NRXN1: variants seen among roughly 807,000 people sequenced by gnomAD.
NRXN1 encodes neurexin 1.
NRXN1 carries 39 observed loss-of-function variants against 150.9 expected under a neutral mutation model. That is an observed-to-expected ratio of 0.26 (90% CI 0.20 to 0.34). NRXN1 has a LOEUF of 0.34. Ranked by LOEUF, NRXN1 falls within the 10% of genes least tolerant of loss-of-function variation. The probability of loss-of-function intolerance (pLI) is 1.00; values close to 1 mark genes in which losing one functional copy is unlikely to be tolerated. For synonymous variants in NRXN1, 924 were observed against 757.0 expected (o/e 1.22, Z -3.62); for missense variants, 1,815 against 1,949.9 (o/e 0.93, Z 1.30).
At chr2:50,956,102 T>C (rs1052666046) in intron 2 of NRXN1, among the ~76,000 whole-genome samples, 1 of 152,068 alleles carries the variant, frequency 6.6e-6, no homozygotes, top group Admixed American at 6.5e-5. Context: ...GTCTCCCTTA[T>C]CCACATTTTC....
intron 8 of NRXN1, among the ~76,000 whole-genome samples, chr2:50,580,560 A>C (rs974569094): frequency 5.9e-5 from 9 of 152,212 alleles, no homozygotes; most frequent in Admixed American, 5.2e-4. Context: ...TGACTCACCT[A>C]GTTCTCCAAA....
At chr2:49,923,206 G>C (rs1267236937) in intron 22 of NRXN1, among the ~76,000 whole-genome samples, 4 of 152,216 alleles carry the variant, frequency 2.6e-5, no homozygotes, top group Admixed American at 2.6e-4. Flanking sequence ...GTAGATATGA[G>C]GAGAAGGGGC....
intron 18 of NRXN1, among the ~76,000 whole-genome samples, chr2:50,094,408 G>A (rs1699953964): frequency 6.6e-6 from 1 of 152,140 alleles, no homozygotes; most frequent in Non-Finnish European, 1.5e-5. Flanking sequence ...CATACTGCAG[G>A]GTGGAAGTCT....
chr2:50,557,088 T>C lies in NRXN1; in HGVS notation c.1321-4063A>G, dbSNP rs367755613. ...TAAAGAGAGTGTTCACTGCATCTTCTCGTACACAGACATGCCTCGAGGATT... is the reference window on the plus strand; with the variant it reads ...TAAAGAGAGTGTTCACTGCATCTTCCCGTACACAGACATGCCTCGAGGATT... On this transcript the variant is annotated intron_variant, in intron 8 of 22. Transcript: ENST00000401669. 6.2e-4 allele frequency among the ~76,000 whole-genome samples: 95 copies of C among 152,302 alleles called. 2 individuals carry two copies. The highest frequency in any genetic ancestry group is 2.2e-3 in the African/African-American group (93 of 41,584).
At chr2:50,480,805 A>C (rs2090403551) in intron 15 of NRXN1, among the ~76,000 whole-genome samples, 1 of 152,078 alleles carries the variant, frequency 6.6e-6, no homozygotes, top group Non-Finnish European at 1.5e-5. Flanking sequence ...AGTTTCACAA[A>C]AATCACCGAG....
chr2:50,728,406 ACAAAGTATT>A (rs1395868734), intron 5 of NRXN1, among the ~76,000 whole-genome samples: 1 of 152,194 alleles, frequency 6.6e-6, no homozygotes, highest in African/African-American at 2.4e-5. Context: ...TGAATTGCAC[ACAAAGTATT>A]CAATTGCTTT....
chr2:50,906,622 T>C (rs939873115), intron 5 of NRXN1, among the ~76,000 whole-genome samples: 4 of 152,240 alleles, frequency 2.6e-5, no homozygotes, highest in Non-Finnish European at 2.9e-5. Flanking sequence ...TCTGATCCTG[T>C]TCCTTAAGTC....
intron 17 of NRXN1, among the ~76,000 whole-genome samples, chr2:50,333,918 G>A (rs1475501672): frequency 1.3e-5 from 2 of 152,036 alleles, no homozygotes; most frequent in African/African-American, 2.4e-5. Flanking sequence ...TGTAAAAACA[G>A]AAAGTCAACT....
chr2:50,196,016 T>A (rs1486475869), intron 18 of NRXN1, among the ~76,000 whole-genome samples: 1 of 152,026 alleles, frequency 6.6e-6, no homozygotes. Flanking sequence ...ATGTGCAGGT[T>A]TGTTACATAT....
At chr2:50,658,245 A>G (rs2104616323) in intron 5 of NRXN1, among the ~76,000 whole-genome samples, 2 of 152,074 alleles carry the variant, frequency 1.3e-5, no homozygotes, top group East Asian at 3.9e-4. Context: ...ATACACCCTC[A>G]AAACAACGCT....
chr2:50,693,952 C>T (rs1192871759), intron 5 of NRXN1, among the ~76,000 whole-genome samples: 1 of 151,796 alleles, frequency 6.6e-6, no homozygotes, highest in Non-Finnish European at 1.5e-5. Flanking sequence ...CTACCATGGT[C>T]GGCTAATTGT....
rs1236177183 is a variant in NRXN1, at chr2:50,010,652, CCT to C, written c.4128+42617_4128+42618del. ...CAGAGAATGAGGTGTTCTAAAATCC[CCT>C]CTCTCTGGTCCTGCTGCAACTTGTT... On this transcript the variant is annotated intron_variant, in intron 21 of 22. Transcript: ENST00000401669. Among the ~76,000 whole-genome samples the C allele has an allele frequency of 1.1e-4, 16 of 152,176 alleles. No homozygotes were observed. The South Asian group carries it at 3.1e-3, about 30-fold the overall frequency.
At chr2:50,287,011 T>C (rs2072272087) in intron 17 of NRXN1, among the ~76,000 whole-genome samples, 1 of 152,114 alleles carries the variant, frequency 6.6e-6, no homozygotes, top group Admixed American at 6.6e-5. Flanking sequence ...TTATATTTTG[T>C]TGAAGGTGCT....
chr2:50,138,873 A>T (rs1706817114), intron 18 of NRXN1, among the ~76,000 whole-genome samples: 1 of 152,230 alleles, frequency 6.6e-6, no homozygotes, highest in Non-Finnish European at 1.5e-5. Context: ...TGTGTTTAAT[A>T]ACACAGAATG....
chr2:50,678,434 A>G (rs1398286646), intron 5 of NRXN1, among the ~76,000 whole-genome samples: 1 of 152,192 alleles, frequency 6.6e-6, no homozygotes, highest in African/African-American at 2.4e-5. Context: ...TATAATGGAA[A>G]GTACAAAAGT....
At chr2:50,488,533 C>A (rs1291483909) in intron 15 of NRXN1, among the ~76,000 whole-genome samples, 1 of 152,154 alleles carries the variant, frequency 6.6e-6, no homozygotes, top group South Asian at 2.1e-4. Context: ...CCAAGTGAGG[C>A]TGCAACACTG....
At chr2:50,881,969 G>A (rs1331100586) in intron 5 of NRXN1, among the ~76,000 whole-genome samples, 2 of 151,552 alleles carry the variant, frequency 1.3e-5, no homozygotes, top group South Asian at 2.1e-4. Flanking sequence ...GGGAGGGAGC[G>A]AAAATTCTGT....
intron 18 of NRXN1, among the ~76,000 whole-genome samples, chr2:50,167,716 T>G (rs1443777513): frequency 2.6e-5 from 4 of 152,262 alleles, no homozygotes; most frequent in South Asian, 2.1e-4. Flanking sequence ...TAGAGTTAAC[T>G]AGGGACCTTT....
At chr2:50,255,592 T>A (rs1224496942) in intron 17 of NRXN1, among the ~76,000 whole-genome samples, 1 of 152,148 alleles carries the variant, frequency 6.6e-6, no homozygotes, top group African/African-American at 2.4e-5. Context: ...ACATACGTCC[T>A]TAAGCTCTGA....
Sources: gnomAD v4.1 joint callset for allele counts (sites outside exome capture counted in the v4.1 genomes callset) on GRCh38, gnomAD v4.1.1 for gene constraint, MANE v1.5 for transcripts, NCBI Gene and HGNC (gene_info 2026-07-23, HGNC 2026-07-21) for gene names.